Variants in HDAC9 observed in about 807,000 individuals in gnomAD.
HDAC9 encodes the protein histone deacetylase 9.
HDAC9 carries 41 observed loss-of-function variants against 139.4 expected under a neutral mutation model. The ratio of observed to expected loss-of-function variants is 0.29; its 90% CI spans 0.23 to 0.38. HDAC9 has a LOEUF of 0.38. Among genes scored for constraint, HDAC9 ranks in the 10% least tolerant of loss-of-function variants. HDAC9 has a pLI of 1.00. For missense variants in HDAC9, 1,147 were observed against 1,297.0 expected, an observed-to-expected ratio of 0.88 and a Z score of 1.78; for synonymous variants, 517 against 476.2, an observed-to-expected ratio of 1.09 and a Z score of -1.12.
intron 13 of HDAC9, among the ~76,000 whole-genome samples, chr7:18,728,110 C>G (rs1022077599): frequency 6.6e-6 from 1 of 152,108 alleles, no homozygotes; most frequent in Non-Finnish European, 1.5e-5. Flanking sequence ...GCTTGGCTTC[C>G]TCATTTGACT....
chr7:18,686,520 C>T (rs1782284568), intron 12 of HDAC9, among the ~76,000 whole-genome samples: 2 of 151,910 alleles, frequency 1.3e-5, no homozygotes, highest in Admixed American at 1.3e-4. Context: ...TATGAAATCC[C>T]CAACTCTTCC....
intron 21 of HDAC9, chr7:18,851,380 C>G (rs1436654809): frequency 2.6e-5 from 4 of 152,284 alleles, no homozygotes; most frequent in Admixed American, 6.5e-5. Context: ...TTTGGCAGCT[C>G]CTCCTTTGCT....
chr7:18,562,942 C>T (rs546627489), intron 2 of HDAC9, among the ~76,000 whole-genome samples: 13 of 151,996 alleles, frequency 8.6e-5, no homozygotes, highest in African/African-American at 1.4e-4. Context: ...GTTGTAATTT[C>T]GATGTACAAG....
At chr7:18,454,668 CAAG>C (rs1411547397) in intron 1 of HDAC9, among the ~76,000 whole-genome samples, 1 of 151,980 alleles carries the variant, frequency 6.6e-6, no homozygotes, top group African/African-American at 2.4e-5. Context: ...CTGTGAACAG[CAAG>C]AAACTTTCTT....
In HDAC9 at chr7:18,981,247, C is replaced by T. The variant is rs541186270; in HGVS notation, c.3170+5294C>T. Reference sequence around the variant, plus strand: ...TAAATCAATCAGGACTATCCTCCAACCAGCAGAATGAGGAAGAAGAACATG... The same window carrying T: ...TAAATCAATCAGGACTATCCTCCAATCAGCAGAATGAGGAAGAAGAACATG... On this transcript the variant is annotated intron_variant, in intron 25 of 25. Coordinates refer to ENST00000686413, the MANE Select transcript of HDAC9 (RefSeq NM_178425.4). 2.6e-5 allele frequency among the ~76,000 whole-genome samples: 4 copies of T among 152,282 alleles called. No homozygotes were observed. In the South Asian group the frequency reaches 8.3e-4, roughly 32 times the overall value.
chr7:18,152,930 T>A (rs1446183962), intron 1 of HDAC9, among the ~76,000 whole-genome samples: 1 of 152,160 alleles, frequency 6.6e-6, no homozygotes, highest in Non-Finnish European at 1.5e-5. Context: ...CTAAATTAGG[T>A]GTATTGGTGT....
At chr7:18,995,712 A>G (rs1202916386) in intron 25 of HDAC9, among the ~76,000 whole-genome samples, 1 of 152,180 alleles carries the variant, frequency 6.6e-6, no homozygotes, top group Admixed American at 6.5e-5. Flanking sequence ...AAAATATCAT[A>G]GTTAATTTTT....
At chr7:18,817,499 C>CT (rs898562388) in intron 17 of HDAC9, among the ~76,000 whole-genome samples, 8 of 152,086 alleles carry the variant, frequency 5.3e-5, no homozygotes, top group African/African-American at 1.9e-4. Context: ...ACATTTGGAT[C>CT]TTTTTTCCAG....
chr7:18,942,001 C>T (rs1036528501), intron 23 of HDAC9, among the ~76,000 whole-genome samples: 1 of 151,848 alleles, frequency 6.6e-6, no homozygotes, highest in Non-Finnish European at 1.5e-5. Context: ...GAATATGGGC[C>T]AGGGACCTGG....
chr7:18,506,576 T>G (rs1799833316), intron 2 of HDAC9, among the ~76,000 whole-genome samples: 1 of 152,174 alleles, frequency 6.6e-6, no homozygotes, highest in African/African-American at 2.4e-5. Flanking sequence ...CAATTTTTTT[T>G]TTTTAATCCC....
At chr7:18,521,989 T>C (rs1332922237) in intron 2 of HDAC9, among the ~76,000 whole-genome samples, 2 of 152,150 alleles carry the variant, frequency 1.3e-5, no homozygotes, top group Non-Finnish European at 1.5e-5. Context: ...GTGTCTTCTG[T>C]TATCATTCTT....
chr7:18,339,824 A>G (rs1355968606), intron 1 of HDAC9, among the ~76,000 whole-genome samples: 2 of 151,528 alleles, frequency 1.3e-5, no homozygotes, highest in African/African-American at 2.4e-5. Flanking sequence ...ATAAGACCAC[A>G]TTTATAGGTA....
At chr7:18,165,672 C>A (rs1321546679) in intron 2 of HDAC9, among the ~76,000 whole-genome samples, 1 of 151,836 alleles carries the variant, frequency 6.6e-6, no homozygotes, top group Non-Finnish European at 1.5e-5. Flanking sequence ...TGCCTGTAGT[C>A]CCTGCTACTT....
chr7:18,664,772 T>A (rs928005306), intron 11 of HDAC9, among the ~76,000 whole-genome samples: 1 of 152,186 alleles, frequency 6.6e-6, no homozygotes, highest in Non-Finnish European at 1.5e-5. Context: ...TGTGCTCTTA[T>A]AACACCTTGT....
chr7:18,585,944 T>C (rs147700213), intron 3 of HDAC9, among the ~76,000 whole-genome samples: 10 of 152,250 alleles, frequency 6.6e-5, no homozygotes, highest in South Asian at 2.1e-4. Context: ...GAGCTGTTTT[T>C]AAAAAACAAA....
chr7:18,901,216 A>G (rs943724100), intron 22 of HDAC9, among the ~76,000 whole-genome samples: 1 of 127,204 alleles, frequency 7.9e-6, no homozygotes, highest in Non-Finnish European at 1.6e-5. Context: ...ACATATATAT[A>G]TATATACACA....
chr7:18,305,720 A>G (rs1798863495), intron 1 of HDAC9, among the ~76,000 whole-genome samples: 1 of 133,170 alleles, frequency 7.5e-6, no homozygotes, highest in South Asian at 2.2e-4. Flanking sequence ...GCAGGGGTCT[A>G]ATAGATGAGA....
chr7:18,162,272 A>G, exon 2 of HDAC9: 2 of 1,515,024 alleles, frequency 1.3e-6, no homozygotes, highest in Non-Finnish European at 1.8e-6. Context: ...TCAGCAGTTG[A>G]ACGACAAAGG....
chr7:18,679,083 A>T (rs1715184520), intron 12 of HDAC9, among the ~76,000 whole-genome samples: 2 of 151,918 alleles, frequency 1.3e-5, no homozygotes. Flanking sequence ...CTGAAAAAAT[A>T]AATCCAGCTA....
Sources: gnomAD v4.1 joint callset for allele counts (sites outside exome capture counted in the v4.1 genomes callset) on GRCh38, gnomAD v4.1.1 for gene constraint, MANE v1.5 for transcripts, NCBI Gene and HGNC (gene_info 2026-07-23, HGNC 2026-07-21) for gene names.